RSPO2: variants seen among roughly 807,000 people sequenced by gnomAD.
RSPO2 encodes the protein R-spondin 2.
In RSPO2, 14 loss-of-function variants were observed where a neutral mutation model predicts 30.9. That is an observed-to-expected ratio of 0.45 (90% confidence interval 0.30 to 0.71). The LOEUF is 0.71. Among genes scored for constraint, RSPO2 ranks in the 30% least tolerant of loss-of-function variants. The pLI, the probability that RSPO2 is intolerant of heterozygous loss-of-function variation, is 0.08. For synonymous variants in RSPO2, 107 were observed against 96.4 expected, an observed-to-expected ratio of 1.11 and a Z score of -0.64; for missense variants, 264 against 301.9, an observed-to-expected ratio of 0.87 and a Z score of 0.93.
intron 2 of RSPO2, among the ~76,000 whole-genome samples, chr8:108,014,917 A>G (rs1373381596): frequency 6.6e-6 from 1 of 152,190 alleles, no homozygotes; most frequent in Non-Finnish European, 1.5e-5. Context: ...GGGGGGAAAA[A>G]AGAACACTGC....
At chr8:107,905,572 C>T (rs1030032013) in intron 5 of RSPO2, among the ~76,000 whole-genome samples, 6 of 152,002 alleles carry the variant, frequency 3.9e-5, no homozygotes, top group African/African-American at 1.4e-4. Flanking sequence ...TTATAAAATT[C>T]ATCATGGAGA....
At chr8:108,060,754 G>C (rs1194830379) in intron 2 of RSPO2, among the ~76,000 whole-genome samples, 1 of 150,110 alleles carries the variant, frequency 6.7e-6, no homozygotes, top group Non-Finnish European at 1.5e-5. Flanking sequence ...AAGTTGAAAT[G>C]AAGGAAAAAA....
intron 5 of RSPO2, among the ~76,000 whole-genome samples, chr8:107,932,624 C>T (rs567919697): frequency 3.0e-4 from 45 of 151,918 alleles, no homozygotes; most frequent in African/African-American, 1.0e-3. Flanking sequence ...CTTGGGGTAG[C>T]CTTAAAAGAA....
At chr8:108,039,049 T>A (rs1586649569) in intron 2 of RSPO2, among the ~76,000 whole-genome samples, 1 of 152,152 alleles carries the variant, frequency 6.6e-6, no homozygotes, top group Non-Finnish European at 1.5e-5. Flanking sequence ...CTTAAATAAT[T>A]AAATCAGTAG....
intron 3 of RSPO2, among the ~76,000 whole-genome samples, chr8:107,973,613 C>T (rs567187119): frequency 1.6e-4 from 25 of 152,080 alleles, no homozygotes; most frequent in Non-Finnish European, 1.5e-5. Flanking sequence ...CTAAAACAGC[C>T]ATAATTTCAC....
chr8:107,981,781 G>A (rs1005784828), intron 3 of RSPO2, among the ~76,000 whole-genome samples: 1 of 151,960 alleles, frequency 6.6e-6, no homozygotes, highest in African/African-American at 2.4e-5. Context: ...GATTGTTTCA[G>A]GCCAGGAGTT....
chr8:108,034,370 C>A (rs1025971133), intron 2 of RSPO2, among the ~76,000 whole-genome samples: 1 of 152,032 alleles, frequency 6.6e-6, no homozygotes, highest in Non-Finnish European at 1.5e-5. Flanking sequence ...TATTCAGTGA[C>A]CCTGAGGAAT....
chr8:107,932,727 G>A (rs767411908), intron 5 of RSPO2, among the ~76,000 whole-genome samples: 1 of 152,010 alleles, frequency 6.6e-6, no homozygotes, highest in Non-Finnish European at 1.5e-5. Flanking sequence ...ACTTCCAATT[G>A]TCTGTCATAA....
intron 5 of RSPO2, among the ~76,000 whole-genome samples, chr8:107,910,494 C>T (rs1321890874): frequency 1.3e-5 from 2 of 152,122 alleles, no homozygotes; most frequent in Admixed American, 6.5e-5. Context: ...GATCATGCCA[C>T]CATACTCCAG....
intron 3 of RSPO2, among the ~76,000 whole-genome samples, chr8:107,974,937 GTTCTT>G (rs1031112703): frequency 5.1e-4 from 77 of 152,214 alleles, no homozygotes; most frequent in African/African-American, 1.7e-3. Flanking sequence ...GAAGTGTACT[GTTCTT>G]TTCTTTAACC....
rs1811448257 is a variant in RSPO2 at position 107,901,157 on chromosome 8, T to C, written c.650A>G (p.Asn217Ser). 3 of 1,613,910 alleles carry C rather than the reference T, an allele frequency of 1.9e-6. No individual in the cohort carries two copies. Among genetic ancestry groups the C allele is most frequent in the Admixed American group, 1.7e-5 (1 of 59,972 alleles). The change falls in exon 6 of 6, where the codon AAC (asparagine) becomes AGC (serine). Residue 217 changes from asparagine to serine, a missense_variant. Coordinates refer to ENST00000276659, the MANE Select transcript of RSPO2 (RefSeq NM_178565.5). ...TATCAGCTTCCTTTTCTTTTTCTTG[T>C]TCCTCTTCTCCTTCGCCTTTGGTGT... is the stretch of plus-strand genomic sequence containing the variant. The part of the protein sequence containing the change: ...KRTPKAKEKR[N>S]KKKKRKLIER...
intron 5 of RSPO2, among the ~76,000 whole-genome samples, chr8:107,917,022 CA>C (rs1812003422): frequency 1.3e-5 from 2 of 152,178 alleles, no homozygotes; most frequent in Admixed American, 1.3e-4. Context: ...TATTTTTATG[CA>C]ATATTAAAAC....
chr8:108,075,611 G>A (rs369030523), intron 2 of RSPO2, among the ~76,000 whole-genome samples: 24 of 151,428 alleles, frequency 1.6e-4, no homozygotes, highest in African/African-American at 5.6e-4. Flanking sequence ...TAGTGTACTC[G>A]GAGAAATTCT....
At chr8:107,957,462 CTGT>C (rs1395055844) in intron 5 of RSPO2, among the ~76,000 whole-genome samples, 1 of 152,178 alleles carries the variant, frequency 6.6e-6, no homozygotes, top group African/African-American at 2.4e-5. Context: ...GGGCCTAATC[CTGT>C]TATTACAGAA....
intron 2 of RSPO2, among the ~76,000 whole-genome samples, chr8:108,036,831 AT>A (rs1811614220): frequency 6.6e-6 from 1 of 152,206 alleles, no homozygotes; most frequent in African/African-American, 2.4e-5. Flanking sequence ...ATTTTTCATT[AT>A]TATTAATCTG....
intron 5 of RSPO2, among the ~76,000 whole-genome samples, chr8:107,939,478 CTTT>C (rs10558817): frequency 0.11 from 15,082 of 140,198 alleles, 825 homozygotes; most frequent in South Asian, 0.15. Context: ...ATTAAATTAT[CTTT>C]TTTTTTTTTT....
chr8:108,075,986 C>A (rs890712482), intron 2 of RSPO2, among the ~76,000 whole-genome samples: 32 of 151,832 alleles, frequency 2.1e-4, no homozygotes, highest in African/African-American at 7.7e-4. Flanking sequence ...GGCAAGATAA[C>A]CAGAAAAAAA....
intron 3 of RSPO2, among the ~76,000 whole-genome samples, chr8:107,971,063 T>C (rs891510855): frequency 2.0e-5 from 3 of 152,324 alleles, no homozygotes; most frequent in Middle Eastern, 3.4e-3. Flanking sequence ...GTTAAGAAGA[T>C]GCAGGTGAAA....
chr8:107,963,873 AGT>A (rs2130449942), intron 3 of RSPO2, among the ~76,000 whole-genome samples: 1 of 152,272 alleles, frequency 6.6e-6, no homozygotes, highest in Non-Finnish European at 1.5e-5. Flanking sequence ...TTCATATTTG[AGT>A]GCATGAATTA....
Sources: gnomAD v4.1 joint callset for allele counts (sites outside exome capture counted in the v4.1 genomes callset) on GRCh38, gnomAD v4.1.1 for gene constraint, MANE v1.5 for transcripts, NCBI Gene and HGNC (gene_info 2026-07-23, HGNC 2026-07-21) for gene names.